The following PISD variants were observed in gnomAD, a reference collection of about 807,000 sequenced individuals.
PISD encodes phosphatidylserine decarboxylase, also known as phosphatidylserine decarboxylase proenzyme, mitochondrial.
Under a neutral mutation model 43.5 loss-of-function variants are expected in PISD, and 31 were observed. The ratio of observed to expected loss-of-function variants is 0.71; its 90% confidence interval spans 0.54 to 0.96. PISD has a LOEUF of 0.96. Ranked by LOEUF, PISD falls within the 40% of genes least tolerant of loss-of-function variation. PISD has a pLI of 0.00. For synonymous variants in PISD, 259 were observed against 228.7 expected (o/e 1.13, Z -1.20); for missense variants, 523 against 548.4 (o/e 0.95, Z 0.46).
chr22:31,648,120 T>G lies in PISD; in HGVS notation c.302A>C (p.Lys101Thr), dbSNP rs1038917902. ...LEKLGLEIPPKLAGHWEVALY... is the reference protein window; with the variant it reads ...LEKLGLEIPPTLAGHWEVALY... ...TCCTACCTCCCAGTGACCAGCAAGT[T>G]TGGGTGGAATCTCCAATCCCAGCTT... Residue 101 changes from lysine to threonine, a missense_variant, in exon 3 of 8, where the codon AAA becomes ACA. Transcript: ENST00000439502. 3 of 1,611,440 alleles carry G rather than the reference T, an allele frequency of 1.9e-6. No homozygotes were observed. Among genetic ancestry groups the G allele is most frequent in the Non-Finnish European group, 2.5e-6 (3 of 1,179,696 alleles).
At chr22:31,623,853 C>T (rs1452435021) in intron 3 of PISD, 4 of 1,611,970 alleles carry the variant, frequency 2.5e-6, no homozygotes, top group Non-Finnish European at 3.4e-6. Flanking sequence ...GTGCAACCTG[C>T]AGGGCACAGG....
intron 3 of PISD, among the ~76,000 whole-genome samples, chr22:31,634,926 G>A (rs953977673): frequency 6.6e-6 from 1 of 151,824 alleles, no homozygotes; most frequent in Non-Finnish European, 1.5e-5. Context: ...CAACACTTTG[G>A]GAGGCTGAGG....
intron 3 of PISD, chr22:31,623,644 G>A (rs200329463): frequency 3.6e-5 from 57 of 1,581,980 alleles, no homozygotes; most frequent in African/African-American, 2.5e-4. Context: ...AGGCCTGCCC[G>A]GAAGGGAGGT....
intron 3 of PISD, among the ~76,000 whole-genome samples, chr22:31,634,278 T>C (rs1238345330): frequency 6.6e-6 from 1 of 152,166 alleles, no homozygotes; most frequent in African/African-American, 2.4e-5. Context: ...TAACGGCTAG[T>C]ACAAGAAACC....
chr22:31,653,976 T>C (rs1315604644), intron 1 of PISD, among the ~76,000 whole-genome samples: 2 of 152,226 alleles, frequency 1.3e-5, no homozygotes, highest in African/African-American at 4.8e-5. Context: ...TACCATGCTA[T>C]CATTCTTTGG....
Position 31,620,544 on chromosome 22 carries a change from C to T in PISD, c.1005+9G>A. On this transcript the variant is annotated intron_variant, in intron 7 of 7. Transcript: ENST00000439502. ...CCTTGGGCTTTGGCAGGGCCTAGAT[C>T]CTGCTTACCCGGTCAAAGTAGATGC... 1 of 1,614,084 alleles carries T rather than the reference C, an allele frequency of 6.2e-7. No homozygotes were observed. Among genetic ancestry groups the T allele is most frequent in the Non-Finnish European group, 8.5e-7 (1 of 1,179,958 alleles).
intron 2 of PISD, among the ~76,000 whole-genome samples, chr22:31,649,222 A>C (rs757254082): frequency 1.3e-5 from 2 of 152,186 alleles, no homozygotes; most frequent in Non-Finnish European, 2.9e-5. Flanking sequence ...TCTCTCAATC[A>C]ATCAATCAAA....
At chr22:31,655,793 C>A (rs1235709115) in intron 1 of PISD, among the ~76,000 whole-genome samples, 1 of 152,050 alleles carries the variant, frequency 6.6e-6, no homozygotes, top group African/African-American at 2.4e-5. Context: ...AGCCACCACA[C>A]CCAGCTAATT....
At position 31,619,662 on chromosome 22, in the gene PISD, G is replaced by C; in HGVS notation, c.1180C>G (p.Leu394Val). 6.2e-7 allele frequency: 1 copy of C among 1,614,222 alleles called. No homozygotes were observed. Among genetic ancestry groups the C allele is most frequent in the Non-Finnish European group, 8.5e-7 (1 of 1,180,030 alleles). Residue 394 changes from leucine to valine, a missense_variant, in exon 8 of 8, where the codon CTG (leucine) becomes GTG (valine). By Grantham distance (32) the Leu-to-Val change is conservative. Coordinates refer to ENST00000439502, the MANE Select transcript of PISD (RefSeq NM_001326411.2). ...AAGCGGATTTTCTGTCCTGTTTTCA[G>C]CTGGAAATTGAAGTCCTTGGGGGCC... ...FEAPKDFNFQ[L>V]KTGQKIRFGE...
intron 3 of PISD, among the ~76,000 whole-genome samples, chr22:31,631,511 C>T (rs2073204856): frequency 6.6e-6 from 1 of 152,218 alleles, no homozygotes; most frequent in African/African-American, 2.4e-5. Flanking sequence ...CCGACCGCCC[C>T]AGCCTAGAGC....
chr22:31,625,891 A>G, intron 3 of PISD: 1 of 1,545,616 alleles, frequency 6.5e-7, no homozygotes, highest in South Asian at 1.2e-5. Context: ...CCTTCCCCCG[A>G]GCCAGCAGAT....
chr22:31,662,357 C>T, upstream of PISD: 2 of 761,966 alleles, frequency 2.6e-6, no homozygotes, highest in South Asian at 3.0e-5. Context: ...TACTCCCCAC[C>T]TAACCCGCTT....
At chr22:31,643,735 C>T (rs751636534) in intron 3 of PISD, among the ~76,000 whole-genome samples, 2 of 152,096 alleles carry the variant, frequency 1.3e-5, no homozygotes, top group African/African-American at 2.4e-5. Context: ...CATGGTGAAA[C>T]CCCATCTCTA....
rs2072564924 is a variant in PISD at position 31,621,427 on chromosome 22, TCTTCA to T, written c.599_603del (p.Val200GlufsTer3). ...CCCTTTACCTGCTCCACCTCACAGT[TCTTCA>T]CCTGCCCAAAGTTGAGGATCCTTCC... On this transcript the variant is annotated frameshift_variant, in exon 5 of 8. Coordinates refer to ENST00000439502, the MANE Select transcript of PISD (RefSeq NM_001326411.2). LOFTEE classifies it high-confidence loss of function. 2 of 1,614,078 alleles carry T rather than the reference TCTTCA, an allele frequency of 1.2e-6. No individual in the cohort carries two copies. The highest frequency in any genetic ancestry group is 1.7e-6 in the Non-Finnish European group (2 of 1,180,002).
chr22:31,655,600 T>G (rs2074148429), intron 1 of PISD, among the ~76,000 whole-genome samples: 2 of 152,150 alleles, frequency 1.3e-5, no homozygotes, highest in Admixed American at 1.3e-4. Flanking sequence ...ATTACAGGCA[T>G]GAGCCACTGC....
chr22:31,634,119 T>A (rs2073321538), intron 3 of PISD, among the ~76,000 whole-genome samples: 1 of 152,196 alleles, frequency 6.6e-6, no homozygotes, highest in African/African-American at 2.4e-5. Flanking sequence ...ATGCACTACT[T>A]CTAAGGGGAT....
chr22:31,648,255 G>C lies in PISD; in HGVS notation c.167C>G (p.Ala56Gly). 1 of 1,609,532 alleles carries C rather than the reference G, an allele frequency of 6.2e-7. No homozygotes were observed. Among genetic ancestry groups the C allele is most frequent in the Non-Finnish European group, 8.5e-7 (1 of 1,178,576 alleles). The change falls in exon 3 of 8, where the codon GCC becomes GGC. Residue 56 changes from alanine (A) to glycine (G), a missense_variant. Transcript: ENST00000439502. The stretch of plus-strand genomic sequence containing the variant: ...CAGCAGGAACATGGTTCGGGCAGGG[G>C]CAGTGTGGATTTTTCTGGCATCTGT... ...FRTDARKIHTAPARTMFLLRP... is the reference protein window; with the variant it reads ...FRTDARKIHTGPARTMFLLRP...
At chr22:31,629,351 G>A (rs2073078217) in intron 3 of PISD, 1 of 291,846 alleles carries the variant, frequency 3.4e-6, no homozygotes, top group Non-Finnish European at 5.1e-6. Context: ...GTGTGTAGGT[G>A]TGAGGGTGTG....
intron 3 of PISD, among the ~76,000 whole-genome samples, chr22:31,622,430 G>C (rs78552981): frequency 0.011 from 1,677 of 152,328 alleles, 32 homozygotes; most frequent in African/African-American, 0.038. Context: ...TTCAGATGCA[G>C]GTCTGCGATG....
Sources: allele counts gnomAD v4.1 joint callset (sites outside exome capture counted in the v4.1 genomes callset), GRCh38; gene constraint gnomAD v4.1.1; transcripts MANE v1.5; gene names NCBI Gene and HGNC (gene_info 2026-07-23, HGNC 2026-07-21).